Variants in DLGAP1 observed in about 807,000 individuals in gnomAD.
The protein encoded by DLGAP1 is disks large-associated protein 1.
A neutral mutation model predicts 90.8 loss-of-function variants in DLGAP1; 11 were observed. That is an observed-to-expected ratio of 0.12 (90% confidence interval 0.08 to 0.20). The LOEUF is 0.20. Among genes scored for constraint, DLGAP1 ranks in the 10% least tolerant of loss-of-function variants. The probability of loss-of-function intolerance (pLI) is 1.00; values close to 1 mark genes in which losing one functional copy is unlikely to be tolerated. For synonymous variants in DLGAP1, 558 were observed against 540.7 expected (o/e 1.03, Z -0.44); for missense variants, 1,050 against 1,333.8 (o/e 0.79, Z 3.31).
intron 4 of DLGAP1, among the ~76,000 whole-genome samples, chr18:3,873,860 C>T (rs77201579): frequency 0.032 from 4,864 of 152,150 alleles, 95 homozygotes; most frequent in Non-Finnish European, 0.052. Context: ...ATTTCAATCA[C>T]CAGCCATATA....
chr18:3,551,158 C>CATATATATATATATATATATATAT (rs1275015577), intron 9 of DLGAP1, among the ~76,000 whole-genome samples: 107 of 7,738 alleles, frequency 0.014, 2 homozygotes, highest in African/African-American at 0.015. Context: ...ATATTATATA[C>CATATATATATATATATATATATAT]ATATATATAT....
At chr18:3,844,685 A>C (rs1209167647) in intron 4 of DLGAP1, among the ~76,000 whole-genome samples, 7 of 152,200 alleles carry the variant, frequency 4.6e-5, no homozygotes, top group Non-Finnish European at 1.5e-5. Context: ...TTAAAAATCC[A>C]ATTTTACAAA....
intron 1 of DLGAP1, among the ~76,000 whole-genome samples, chr18:4,166,313 A>C: frequency 6.6e-6 from 1 of 152,202 alleles, no homozygotes; most frequent in Non-Finnish European, 1.5e-5. Context: ...AATCAAAACC[A>C]CAATGAGTTA....
chr18:4,197,188 TAAAAAAAAAAA>T (rs532844849), intron 1 of DLGAP1, among the ~76,000 whole-genome samples: 1 of 73,752 alleles, frequency 1.4e-5, no homozygotes, highest in African/African-American at 5.2e-5. Flanking sequence ...TAAAAAAAAG[TAAAAAAAAAAA>T]AAAAAAAAAG....
intron 7 of DLGAP1, among the ~76,000 whole-genome samples, chr18:3,724,763 C>A (rs537312302): frequency 2.0e-5 from 3 of 151,710 alleles, no homozygotes; most frequent in African/African-American, 7.3e-5. Flanking sequence ...ATTAGCCAGG[C>A]GTGGTGATGT....
chr18:4,390,612 G>A (rs1434488899), intron 1 of DLGAP1, among the ~76,000 whole-genome samples: 1 of 152,064 alleles, frequency 6.6e-6, no homozygotes, highest in Non-Finnish European at 1.5e-5. Context: ...TACAGTTGGA[G>A]TCATACAGTA....
At position 4,188,107 on chromosome 18, in the gene DLGAP1, A is replaced by T. The variant is rs186276098; in HGVS notation, c.-266-36820T>A. Among the ~76,000 whole-genome samples the T allele has an allele frequency of 4.9e-4, 75 of 152,292 alleles. 1 individual carries two copies. The East Asian group carries it at 0.01, about 21-fold the overall frequency. ...ATCAAAAGGACATTGGCATCTGATT[A>T]TCTTTCCCTCCTTGTTTTTGGTGAT... On this transcript the variant is annotated intron_variant, in intron 1 of 12. Transcript: ENST00000315677.
At chr18:4,035,928 TGTCTACTAAGAAGTAGACATAAATTCTTA>T (rs1305472886) in intron 2 of DLGAP1, among the ~76,000 whole-genome samples, 8 of 152,174 alleles carry the variant, frequency 5.3e-5, no homozygotes, top group African/African-American at 1.9e-4. Context: ...TTACGATTTA[TGTCTACTAAGAAGTAGACATAAATTCTTA>T]GTCTACTAAG....
At position 3,814,228 on chromosome 18, in the gene DLGAP1, C is replaced by T. The variant is rs1223355122; in HGVS notation, c.1003G>A (p.Asp335Asn). ...WTGYTPRGKD[D>N]EIPCRRMRSG... ...CGCATTCTTCGGCATGGAATTTCATCATCTTTACCTCGTGGGGTGTACCCT... is the reference window on the plus strand; with the variant it reads ...CGCATTCTTCGGCATGGAATTTCATTATCTTTACCTCGTGGGGTGTACCCT... The change falls in exon 5 of 13, where the codon GAT becomes AAT. Residue 335 changes from aspartate to asparagine, a missense_variant. Physicochemically the swap from Asp to Asn is conservative, Grantham distance 23. Transcript: ENST00000315677. 18 of 1,614,178 alleles carry T rather than the reference C, an allele frequency of 1.1e-5. No individual in the cohort carries two copies. Among genetic ancestry groups the T allele is most frequent in the Non-Finnish European group, 1.5e-5 (18 of 1,180,032 alleles).
intron 2 of DLGAP1, among the ~76,000 whole-genome samples, chr18:4,116,158 G>C (rs1019498202): frequency 6.6e-6 from 1 of 152,088 alleles, no homozygotes; most frequent in Non-Finnish European, 1.5e-5. Flanking sequence ...GATTCTTGTT[G>C]ACCTTTTTTA....
intron 2 of DLGAP1, among the ~76,000 whole-genome samples, chr18:4,035,095 G>A (rs1191420166): frequency 1.2e-4 from 19 of 152,168 alleles, no homozygotes; most frequent in Admixed American, 1.2e-3. Context: ...CATTTGGGCT[G>A]GTTCCAAGTC....
intron 1 of DLGAP1, among the ~76,000 whole-genome samples, chr18:4,357,042 T>G (rs1032050134): frequency 2.6e-5 from 4 of 151,698 alleles, no homozygotes; most frequent in African/African-American, 9.7e-5. Flanking sequence ...TCCAAAGGAC[T>G]CATCATCTGT....
At chr18:3,753,547 T>G (rs535785902) in intron 5 of DLGAP1, among the ~76,000 whole-genome samples, 1 of 152,258 alleles carries the variant, frequency 6.6e-6, no homozygotes, top group South Asian at 2.1e-4. Context: ...ACTTGAAAAG[T>G]TCTGATATAT....
intron 1 of DLGAP1, among the ~76,000 whole-genome samples, chr18:4,358,648 T>A (rs1335827661): frequency 6.6e-6 from 1 of 152,240 alleles, no homozygotes; most frequent in East Asian, 1.9e-4. Context: ...CTCCCTCTTG[T>A]TCTCGTGCCT....
chr18:3,573,362 C>T (rs948539308), intron 8 of DLGAP1, among the ~76,000 whole-genome samples: 4 of 152,100 alleles, frequency 2.6e-5, no homozygotes, highest in Admixed American at 2.0e-4. Flanking sequence ...ATTAGCCGGG[C>T]GTGGTAGCGC....
At chr18:4,395,963 C>G (rs1376275465) in intron 1 of DLGAP1, among the ~76,000 whole-genome samples, 1 of 152,118 alleles carries the variant, frequency 6.6e-6, no homozygotes, top group African/African-American at 2.4e-5. Flanking sequence ...GAAGAAGACC[C>G]AGGGCCTCCT....
At chr18:3,566,856 C>A (rs1319337355) in intron 9 of DLGAP1, among the ~76,000 whole-genome samples, 1 of 151,982 alleles carries the variant, frequency 6.6e-6, no homozygotes, top group African/African-American at 2.4e-5. Flanking sequence ...CCAAGAAACT[C>A]CCAGTTTGAG....
chr18:4,096,165 G>A (rs8094430), intron 2 of DLGAP1, among the ~76,000 whole-genome samples: 51,258 of 151,890 alleles, frequency 0.34, 9,048 homozygotes, highest in African/African-American at 0.45. Context: ...AGCTGGGATT[G>A]CAGGTGTGTG....
chr18:4,140,115 ATAAG>A (rs1168544250), intron 2 of DLGAP1, among the ~76,000 whole-genome samples: 2 of 152,088 alleles, frequency 1.3e-5, no homozygotes, highest in African/African-American at 2.4e-5. Context: ...GTTATTATTG[ATAAG>A]TAAGGACTTA....
Sources: gnomAD v4.1 joint callset for allele counts (sites outside exome capture counted in the v4.1 genomes callset) on GRCh38, gnomAD v4.1.1 for gene constraint, MANE v1.5 for transcripts, NCBI Gene and HGNC (gene_info 2026-07-23, HGNC 2026-07-21) for gene names.